GRM7: variants seen among roughly 807,000 people sequenced by gnomAD.
The protein encoded by GRM7 is glutamate metabotropic receptor 7, also known as metabotropic glutamate receptor 7.
In GRM7, 35 loss-of-function variants were observed where a neutral mutation model predicts 84.5. The observed-to-expected ratio is 0.41, with a 90% CI of 0.32 to 0.55. The LOEUF is 0.55. Among genes scored for constraint, GRM7 ranks in the 20% least tolerant of loss-of-function variants. The pLI, the probability that GRM7 is intolerant of heterozygous loss-of-function variation, is 0.19. For missense variants in GRM7, 1,003 were observed against 1,194.6 expected (o/e 0.84, Z 2.36); for synonymous variants, 487 against 455.1 (o/e 1.07, Z -0.89).
At chr3:7,240,418 C>T (rs959498186) in intron 2 of GRM7, among the ~76,000 whole-genome samples, 1 of 151,512 alleles carries the variant, frequency 6.6e-6, no homozygotes, top group African/African-American at 2.4e-5. Flanking sequence ...TAATTTTAAC[C>T]AAATGACTTA....
Position 7,683,981 on chromosome 3 carries a change from T to G in GRM7, c.2698+3686T>G, listed in dbSNP as rs568211355. On this transcript the variant is annotated intron_variant, in intron 9 of 9. Coordinates refer to ENST00000357716, the MANE Select transcript of GRM7 (RefSeq NM_000844.4). ...ATTTGAGATGAGACAAACATACAAATAGTCATTTAAAATGATCTCAAAACG... is the reference window on the plus strand; with the variant it reads ...ATTTGAGATGAGACAAACATACAAAGAGTCATTTAAAATGATCTCAAAACG... Among the ~76,000 whole-genome samples, 6 of 151,676 alleles carry G rather than the reference T, an allele frequency of 4.0e-5. No individual in the cohort carries two copies. In the East Asian group the frequency reaches 7.7e-4, roughly 20 times the overall value.
intron 7 of GRM7, among the ~76,000 whole-genome samples, chr3:7,479,063 G>C (rs533754017): frequency 6.2e-4 from 94 of 152,162 alleles, no homozygotes; most frequent in African/African-American, 2.2e-3. Flanking sequence ...ATGTAAAGTG[G>C]GGACATTTAT....
rs878930862 is a variant in GRM7 at position 7,641,176 on chromosome 3, C to CTGACT, written c.2452-38872_2452-38868dup. ...TTTCTTCCTACTTCTTCCAAAAACT[C>CTGACT]TGACTCCAGAAACCTCTAGAACTTT... On this transcript the variant is annotated intron_variant, in intron 8 of 9. Transcript: ENST00000357716. Among the ~76,000 whole-genome samples, 424 of 152,262 alleles carry CTGACT rather than the reference C, an allele frequency of 2.8e-3. 11 individuals are homozygous for CTGACT. Among genetic ancestry groups the CTGACT allele is most frequent in the Admixed American group, 0.025 (376 of 15,274 alleles).
chr3:6,986,518 T>C (rs111453422), intron 1 of GRM7, among the ~76,000 whole-genome samples: 64 of 152,358 alleles, frequency 4.2e-4, no homozygotes, highest in African/African-American at 1.5e-3. Context: ...TCCTAACTTC[T>C]AATGTTCACT....
At position 7,237,382 on chromosome 3, in the gene GRM7, T is replaced by C. The variant is rs141394301; in HGVS notation, c.737-61302T>C. Among the ~76,000 whole-genome samples, 76 of 152,254 alleles carry C rather than the reference T, an allele frequency of 5.0e-4. No individual in the cohort carries two copies. The East Asian group carries it at 0.013, about 27-fold the overall frequency. ...CCCTTGCACTTGGGCCCATCCCAGA[T>C]GGTAGAAATAACACCAAACCCCATG... On this transcript the variant is annotated intron_variant, in intron 2 of 9. Coordinates refer to ENST00000357716, the MANE Select transcript of GRM7 (RefSeq NM_000844.4).
chr3:7,371,910 T>G (rs1365383211), intron 4 of GRM7, among the ~76,000 whole-genome samples: 1 of 152,118 alleles, frequency 6.6e-6, no homozygotes, highest in Non-Finnish European at 1.5e-5. Flanking sequence ...TAGACCAGTG[T>G]TCCGGAACAG....
chr3:6,971,751 A>G (rs894863762), intron 1 of GRM7, among the ~76,000 whole-genome samples: 9 of 151,874 alleles, frequency 5.9e-5, no homozygotes, highest in African/African-American at 1.9e-4. Flanking sequence ...TATTCACTCT[A>G]TTGAGGTAGA....
intron 2 of GRM7, among the ~76,000 whole-genome samples, chr3:7,280,113 C>T (rs962383637): frequency 6.6e-6 from 1 of 152,172 alleles, no homozygotes; most frequent in Non-Finnish European, 1.5e-5. Flanking sequence ...ATTGAAAAGT[C>T]AGGGATATTT....
intron 2 of GRM7, among the ~76,000 whole-genome samples, chr3:7,196,254 G>A (rs551162199): frequency 3.3e-5 from 5 of 152,196 alleles, no homozygotes; most frequent in South Asian, 4.2e-4. Context: ...AACTGATTAG[G>A]TAAGCCACAC....
At chr3:7,334,914 C>T (rs147557715) in intron 4 of GRM7, among the ~76,000 whole-genome samples, 4 of 152,086 alleles carry the variant, frequency 2.6e-5, no homozygotes, top group East Asian at 3.9e-4. Flanking sequence ...ATTTATCAAA[C>T]GATTACTACT....
chr3:7,245,355 T>C (rs1697718960), intron 2 of GRM7, among the ~76,000 whole-genome samples: 1 of 151,910 alleles, frequency 6.6e-6, no homozygotes, highest in Non-Finnish European at 1.5e-5. Flanking sequence ...TAGGACATCA[T>C]GGTCAAACTA....
chr3:7,049,669 T>C (rs1696925397), intron 1 of GRM7, among the ~76,000 whole-genome samples: 1 of 151,878 alleles, frequency 6.6e-6, no homozygotes, highest in South Asian at 2.1e-4. Flanking sequence ...GGAATCATGG[T>C]TCTATGGTTC....
At chr3:7,163,789 G>T (rs1043749241) in intron 2 of GRM7, among the ~76,000 whole-genome samples, 6 of 152,150 alleles carry the variant, frequency 3.9e-5, no homozygotes, top group African/African-American at 1.4e-4. Flanking sequence ...AGCGTGTCTT[G>T]TTACTTTCAA....
At chr3:7,238,543 G>A (rs1697427771) in intron 2 of GRM7, among the ~76,000 whole-genome samples, 2 of 151,676 alleles carry the variant, frequency 1.3e-5, no homozygotes, top group South Asian at 2.1e-4. Flanking sequence ...CCTTTAGGAT[G>A]AGGACCTTTT....
intron 1 of GRM7, among the ~76,000 whole-genome samples, chr3:6,921,160 T>C (rs1697109998): frequency 6.6e-6 from 1 of 152,200 alleles, no homozygotes; most frequent in Non-Finnish European, 1.5e-5. Context: ...GGTTTGGTTC[T>C]AGCTCCCAGC....
At chr3:6,870,089 A>G (rs533451240) in intron 1 of GRM7, among the ~76,000 whole-genome samples, 1 of 149,742 alleles carries the variant, frequency 6.7e-6, no homozygotes, top group South Asian at 2.1e-4. Context: ...TCTCTCTCTC[A>G]GCTTACATTC....
chr3:7,092,332 A>G (rs1368508587), intron 1 of GRM7, among the ~76,000 whole-genome samples: 3 of 151,686 alleles, frequency 2.0e-5, no homozygotes, highest in Non-Finnish European at 4.4e-5. Flanking sequence ...CACATTTCTT[A>G]TTTTATCCAT....
Position 7,174,776 on chromosome 3 carries a change from C to G in GRM7, c.736+28108C>G, listed in dbSNP as rs538410267. Reference sequence around the variant, plus strand: ...CTAGTCATGTGGCTTTGCCTAGAGGCAAAGGGTACTGATAAAATTCTTGGC... The same window carrying G: ...CTAGTCATGTGGCTTTGCCTAGAGGGAAAGGGTACTGATAAAATTCTTGGC... On this transcript the variant is annotated intron_variant, in intron 2 of 9. Transcript: ENST00000357716. Among the ~76,000 whole-genome samples, 5 of 152,284 alleles carry G rather than the reference C, an allele frequency of 3.3e-5. No individual in the cohort carries two copies. The South Asian group carries it at 1.0e-3, about 32-fold the overall frequency.
At chr3:7,071,092 GA>G (rs1697862684) in intron 1 of GRM7, among the ~76,000 whole-genome samples, 1 of 152,058 alleles carries the variant, frequency 6.6e-6, no homozygotes, top group African/African-American at 2.4e-5. Context: ...TTTCTGAGGT[GA>G]ACAAAACTCC....
Sources: allele counts gnomAD v4.1 joint callset (sites outside exome capture counted in the v4.1 genomes callset), GRCh38; gene constraint gnomAD v4.1.1; transcripts MANE v1.5; gene names NCBI Gene and HGNC (gene_info 2026-07-23, HGNC 2026-07-21).